RC3H2: variants seen among roughly 807,000 people sequenced by gnomAD.
RC3H2 encodes the protein roquin-2.
Under a neutral mutation model 133.3 loss-of-function variants are expected in RC3H2, and 31 were observed. The observed-to-expected ratio is 0.23, with a 90% CI of 0.17 to 0.31. The LOEUF is 0.31. Ranked by LOEUF, RC3H2 falls within the 10% of genes least tolerant of loss-of-function variation. RC3H2 has a pLI of 1.00. For synonymous variants in RC3H2, 517 were observed against 502.2 expected, an observed-to-expected ratio of 1.03 and a Z score of -0.40; for missense variants, 1,175 against 1,437.2, an observed-to-expected ratio of 0.82 and a Z score of 2.95.
chr9:122,888,978 A>G (rs1243543762), intron 4 of RC3H2, among the ~76,000 whole-genome samples: 1 of 152,202 alleles, frequency 6.6e-6, no homozygotes. Context: ...CCAACAGAAT[A>G]TATTTTCAGA....
Position 122,855,895 on chromosome 9 carries a change from A to T in RC3H2, c.2455-17T>A. On this transcript the variant is annotated splice_polypyrimidine_tract_variant and intron_variant, in intron 13 of 20. Transcript: ENST00000357244. Reference sequence around the variant, plus strand: ...CTCTGAGAACTGGTTAAAAAAAAATAAATAAAGCCAATTAGTAAGAAGCTT... The same window carrying T: ...CTCTGAGAACTGGTTAAAAAAAAATTAATAAAGCCAATTAGTAAGAAGCTT... 6.3e-7 allele frequency: 1 copy of T among 1,587,558 alleles called. No homozygotes were observed. Among genetic ancestry groups the T allele is most frequent in the Non-Finnish European group, 8.6e-7 (1 of 1,168,272 alleles).
Position 122,865,395 on chromosome 9 carries a change from T to G in RC3H2, c.1588A>C (p.Asn530His), listed in dbSNP as rs746241777. The part of the protein sequence containing the change: ...TVKKVGKVGA[N>H]GQNAAGPSAD... ...GAGGGCCCAGCAGCATTCTGACCAT[T>G]AGCGCCAACCTTTCCCACTTTCTTC... is the stretch of plus-strand genomic sequence containing the variant. Residue 530 changes from asparagine (N) to histidine (H), a missense_variant, in exon 10 of 21, where the codon AAT (asparagine) becomes CAT (histidine). Around this residue, in one of 8 missense-constraint regions of RC3H2, gnomAD observed 490 missense variants for 492.8 expected, o/e 0.99. Transcript: ENST00000357244. 10 of 1,614,060 alleles carry G rather than the reference T, an allele frequency of 6.2e-6. No individual in the cohort carries two copies. Among genetic ancestry groups the G allele is most frequent in the Middle Eastern group, 1.6e-4 (1 of 6,062 alleles).
At chr9:122,855,076 G>T in intron 15 of RC3H2, 108 bp downstream of exon 15, 1 of 862,718 alleles carries the variant, frequency 1.2e-6, no homozygotes, top group Non-Finnish European at 1.8e-6. Context: ...TCACACCACT[G>T]CATTCCAGTC....
chr9:122,860,234 A>G (rs1830405135), intron 10 of RC3H2, 103 bp from the exon 11 acceptor site: 2 of 837,522 alleles, frequency 2.4e-6, no homozygotes, highest in African/African-American at 1.7e-5. Context: ...CCACTAATAG[A>G]AAACACTTCA....
chr9:122,898,716 T>A, intron 1 of RC3H2, among the ~76,000 whole-genome samples: 1 of 141,926 alleles, frequency 7.0e-6, no homozygotes. Flanking sequence ...GTCATCGCAC[T>A]CCAGCCTGGA....
At chr9:122,898,416 A>G (rs1832510155) in intron 1 of RC3H2, among the ~76,000 whole-genome samples, 2 of 152,238 alleles carry the variant, frequency 1.3e-5, no homozygotes, top group Non-Finnish European at 2.9e-5. Flanking sequence ...GAAAAGGCAC[A>G]TAGAAAAAAA....
chr9:122,875,159 T>C, intron 9 of RC3H2: 1 of 1,539,836 alleles, frequency 6.5e-7, no homozygotes, highest in African/African-American at 1.4e-5. Flanking sequence ...AGCATCTTTT[T>C]TCCTTAGGAC....
intron 9 of RC3H2, among the ~76,000 whole-genome samples, 163 bp from the exon 10 acceptor site, chr9:122,865,820 G>A (rs1471692187): frequency 6.6e-6 from 1 of 152,078 alleles, no homozygotes; most frequent in African/African-American, 2.4e-5. Flanking sequence ...AAATTCTACT[G>A]CAACAGATGC....
chr9:122,869,116 G>T (rs576832890), intron 9 of RC3H2, among the ~76,000 whole-genome samples: 4 of 152,062 alleles, frequency 2.6e-5, no homozygotes, highest in Middle Eastern at 3.4e-3. Flanking sequence ...ATGTTGGCCA[G>T]GCTGGTCTCA....
At chr9:122,882,172 A>T (rs892957071) in intron 5 of RC3H2, among the ~76,000 whole-genome samples, 4 of 152,224 alleles carry the variant, frequency 2.6e-5, no homozygotes, top group Non-Finnish European at 4.4e-5. Flanking sequence ...ATTTCTACTT[A>T]AGTAGTAAAA....
At chr9:122,860,442 C>CT (rs1215666496) in intron 10 of RC3H2, among the ~76,000 whole-genome samples, 1 of 137,604 alleles carries the variant, frequency 7.3e-6, no homozygotes, top group African/African-American at 2.7e-5. Context: ...GGGTGTCACT[C>CT]TGTCACCCGG....
chr9:122,887,741 C>CTTTTTTT (rs112010654), intron 4 of RC3H2, among the ~76,000 whole-genome samples: 16 of 118,072 alleles, frequency 1.4e-4, no homozygotes, highest in South Asian at 2.8e-4. Context: ...ATACTTGTAT[C>CTTTTTTT]TTTTTTTTTT....
chr9:122,849,918 A>C, intron 20 of RC3H2, 96 bp from the exon 21 acceptor site: 1 of 734,664 alleles, frequency 1.4e-6, no homozygotes, highest in African/African-American at 1.8e-5. Flanking sequence ...AGCAAACTTT[A>C]GGAGTCTCTA....
chr9:122,904,932 G>T (rs998384350), intron 1 of RC3H2, among the ~76,000 whole-genome samples, 178 bp downstream of exon 1: 1 of 152,200 alleles, frequency 6.6e-6, no homozygotes, highest in Non-Finnish European at 1.5e-5. Context: ...AGAGAGAGGG[G>T]CCTCCGCAGG....
At chr9:122,872,889 A>G (rs1412554189) in intron 9 of RC3H2, among the ~76,000 whole-genome samples, 1 of 152,146 alleles carries the variant, frequency 6.6e-6, no homozygotes, top group East Asian at 1.9e-4. Flanking sequence ...CCTGGCCACT[A>G]TTTGTTGAGT....
At chr9:122,884,745 C>G (rs1390812930) in intron 4 of RC3H2, among the ~76,000 whole-genome samples, 1 of 150,828 alleles carries the variant, frequency 6.6e-6, no homozygotes, top group Non-Finnish European at 1.5e-5. Flanking sequence ...CACAGCTACT[C>G]AGAAGGCTGA....
intron 4 of RC3H2, among the ~76,000 whole-genome samples, chr9:122,883,768 G>T (rs537485534): frequency 1.2e-4 from 19 of 152,220 alleles, no homozygotes; most frequent in African/African-American, 4.6e-4. Flanking sequence ...GACTGTTTGA[G>T]CCCAGGAGTT....
At chr9:122,853,929 G>GC in intron 18 of RC3H2, 23 bp downstream of exon 18, 2 of 1,614,172 alleles carry the variant, frequency 1.2e-6, no homozygotes, top group Non-Finnish European at 1.7e-6. Flanking sequence ...TAAGCATGAA[G>GC]CCGAAAGGTT....
At chr9:122,852,351 G>T (rs1307145650) in intron 18 of RC3H2, among the ~76,000 whole-genome samples, 3 of 149,726 alleles carry the variant, frequency 2.0e-5, no homozygotes, top group East Asian at 2.0e-4. Context: ...CAGCCACCCC[G>T]TCTGGGAAGT....
Sources: gnomAD v4.1 joint callset for allele counts (sites outside exome capture counted in the v4.1 genomes callset) on GRCh38, gnomAD v4.1.1 for gene constraint, gnomAD v4.1.1 regional missense constraint, MANE v1.5 for transcripts, NCBI Gene and HGNC (gene_info 2026-07-23, HGNC 2026-07-21) for gene names.